LYPD6: variants seen among roughly 807,000 people sequenced by gnomAD.
The protein encoded by LYPD6 is LY6/PLAUR domain containing 6, also known as ly6/PLAUR domain-containing protein 6.
LYPD6 carries 15 observed loss-of-function variants against 22.7 expected under a neutral mutation model. The ratio of observed to expected loss-of-function variants is 0.66; its 90% CI spans 0.44 to 1.02. The LOEUF (loss-of-function observed/expected upper bound fraction) is 1.02, where lower values mean the gene tolerates loss of function less well. Ranked by LOEUF, LYPD6 falls within the 50% of genes least tolerant of loss-of-function variation. LYPD6 has a pLI of 0.00. For synonymous variants in LYPD6, 72 were observed against 77.5 expected (o/e 0.93, Z 0.37); for missense variants, 189 against 208.4 (o/e 0.91, Z 0.57).
chr2:149,454,709 A>G (rs1207136900), intron 3 of LYPD6, among the ~76,000 whole-genome samples: 1 of 152,178 alleles, frequency 6.6e-6, no homozygotes, highest in Non-Finnish European at 1.5e-5. Flanking sequence ...CCAGCAGTGC[A>G]TGGAAGTGCT....
chr2:149,384,073 A>G (rs1008071603), intron 1 of LYPD6, among the ~76,000 whole-genome samples: 4 of 152,160 alleles, frequency 2.6e-5, no homozygotes, highest in South Asian at 2.1e-4. Flanking sequence ...TTATATTCTC[A>G]GTATAGTTCA....
In LYPD6 at chr2:149,406,620, G is replaced by A. The variant is rs529625871; in HGVS notation, c.-71-31018G>A. 8.5e-5 allele frequency among the ~76,000 whole-genome samples: 13 copies of A among 152,270 alleles called. No homozygotes were observed. The South Asian group carries it at 2.7e-3, about 32-fold the overall frequency. On this transcript the variant is annotated intron_variant, in intron 1 of 4. Coordinates refer to ENST00000334166, the MANE Select transcript of LYPD6 (RefSeq NM_194317.5). ...CTCCATCCTTTTATTTTGAGCCTAT[G>A]TGTGTCTCTGCACGTGAGATGGGTT...
At chr2:149,357,038 T>TC (rs1681462388) in intron 1 of LYPD6, among the ~76,000 whole-genome samples, 2 of 152,186 alleles carry the variant, frequency 1.3e-5, no homozygotes, top group African/African-American at 4.8e-5. Flanking sequence ...AGCCATTCTG[T>TC]GTTTTTTCCC....
At chr2:149,395,364 T>A (rs1217432397) in intron 1 of LYPD6, among the ~76,000 whole-genome samples, 2 of 152,222 alleles carry the variant, frequency 1.3e-5, no homozygotes, top group Non-Finnish European at 2.9e-5. Flanking sequence ...TGATATTACC[T>A]AAAAATGTAT....
intron 1 of LYPD6, among the ~76,000 whole-genome samples, chr2:149,405,723 C>G (rs1682687676): frequency 2.0e-5 from 3 of 151,910 alleles, no homozygotes. Flanking sequence ...TTTTTTGTGT[C>G]TCTATTTCCT....
intron 1 of LYPD6, among the ~76,000 whole-genome samples, chr2:149,424,967 T>C (rs1683159517): frequency 6.6e-6 from 1 of 152,192 alleles, no homozygotes; most frequent in Non-Finnish European, 1.5e-5. Context: ...AAAGCTTCAA[T>C]GGGATCACCT....
At chr2:149,342,783 A>T (rs536789089) in intron 1 of LYPD6, among the ~76,000 whole-genome samples, 8 of 152,310 alleles carry the variant, frequency 5.3e-5, no homozygotes, top group South Asian at 2.1e-4. Context: ...TTTAAGGAGC[A>T]CCAGGTGAGA....
chr2:149,399,697 A>G (rs1682509398), intron 1 of LYPD6, among the ~76,000 whole-genome samples: 1 of 142,228 alleles, frequency 7.0e-6, no homozygotes, highest in South Asian at 2.1e-4. Flanking sequence ...AATAAATTAT[A>G]AAATAAAATA....
chr2:149,346,487 C>T lies in LYPD6; in HGVS notation c.-72+15765C>T, dbSNP rs150299710. On this transcript the variant is annotated intron_variant, in intron 1 of 4. Transcript: ENST00000334166. ...TTTGGCATGTTACAGCATTTCCCCT[C>T]GGGAATGCTCAAACATTTTATGGAT... is the stretch of plus-strand genomic sequence containing the variant. Among the ~76,000 whole-genome samples the T allele has an allele frequency of 2.8e-3, 429 of 152,258 alleles. 2 individuals are homozygous for T. Among genetic ancestry groups the T allele is most frequent in the African/African-American group, 9.7e-3 (403 of 41,548 alleles).
chr2:149,393,904 T>C (rs1247255062), intron 1 of LYPD6, among the ~76,000 whole-genome samples: 1 of 152,166 alleles, frequency 6.6e-6, no homozygotes, highest in Non-Finnish European at 1.5e-5. Flanking sequence ...GACAGGGCGA[T>C]TTGCTCTCCT....
At chr2:149,479,926 A>G in the LYPD6 span, among the ~76,000 whole-genome samples, 1 of 152,042 alleles carries the variant, frequency 6.6e-6, no homozygotes, top group Non-Finnish European at 1.5e-5. Context: ...GTCCCCCTGC[A>G]CTGGCCACAT....
At position 149,369,466 on chromosome 2, in the gene LYPD6, T is replaced by G. The variant is rs187498866; in HGVS notation, c.-72+38744T>G. 3.0e-3 allele frequency among the ~76,000 whole-genome samples: 461 copies of G among 152,268 alleles called. 2 individuals are homozygous for G. Among genetic ancestry groups the G allele is most frequent in the African/African-American group, 0.01 (433 of 41,560 alleles). On this transcript the variant is annotated intron_variant, in intron 1 of 4. Coordinates refer to ENST00000334166, the MANE Select transcript of LYPD6 (RefSeq NM_194317.5). ...TAATGAGATCTCCCATCCAATTGAC[T>G]GCCTTTCGACCTCAACTCCAGTTTT...
intron 1 of LYPD6, among the ~76,000 whole-genome samples, chr2:149,403,532 T>C (rs1682614706): frequency 6.9e-6 from 1 of 144,108 alleles, no homozygotes; most frequent in South Asian, 2.2e-4. Context: ...ATGTCTTCTT[T>C]TGAGAAGTGT....
intron 1 of LYPD6, among the ~76,000 whole-genome samples, chr2:149,386,861 T>A (rs544560347): frequency 6.6e-6 from 1 of 152,240 alleles, no homozygotes; most frequent in South Asian, 2.1e-4. Flanking sequence ...TGAAAAAAAT[T>A]GAGAACATGG....
chr2:149,331,487 C>T (rs988996677), intron 1 of LYPD6, among the ~76,000 whole-genome samples: 1 of 152,194 alleles, frequency 6.6e-6, no homozygotes, highest in African/African-American at 2.4e-5. Flanking sequence ...CTCTCCCGCC[C>T]CAGTATCTGC....
intron 1 of LYPD6, among the ~76,000 whole-genome samples, chr2:149,397,529 A>C (rs771243737): frequency 1.6e-4 from 24 of 152,302 alleles, no homozygotes; most frequent in Non-Finnish European, 2.8e-4. Flanking sequence ...GCACAAGTAG[A>C]GAGGGAGGGA....
chr2:149,343,892 GA>G (rs5835273), intron 1 of LYPD6, among the ~76,000 whole-genome samples: 11 of 147,788 alleles, frequency 7.4e-5, no homozygotes, highest in Middle Eastern at 3.4e-3. Flanking sequence ...GATATTACAG[GA>G]AAAAAAAAAC....
intron 1 of LYPD6, among the ~76,000 whole-genome samples, chr2:149,406,378 G>A (rs1325319147): frequency 6.6e-6 from 1 of 151,556 alleles, no homozygotes; most frequent in African/African-American, 2.4e-5. Context: ...AAGTCTCTTT[G>A]TAGGTCACTC....
intron 1 of LYPD6, among the ~76,000 whole-genome samples, chr2:149,391,565 A>G (rs1682310682): frequency 6.6e-6 from 1 of 152,076 alleles, no homozygotes; most frequent in Non-Finnish European, 1.5e-5. Flanking sequence ...TTTCACATCT[A>G]TAGGGCCCCT....
Sources: allele counts gnomAD v4.1 joint callset (sites outside exome capture counted in the v4.1 genomes callset), GRCh38; gene constraint gnomAD v4.1.1; transcripts MANE v1.5; gene names NCBI Gene and HGNC (gene_info 2026-07-23, HGNC 2026-07-21).